Variants in ACER3 observed in about 807,000 individuals in gnomAD.
The protein encoded by ACER3 is alkaline ceramidase 3, also known as alkCDase 3.
In ACER3, 16 loss-of-function variants were observed where a neutral mutation model predicts 48.9. That is an observed-to-expected ratio of 0.33 (90% CI 0.22 to 0.50). The LOEUF is 0.50. Ranked by LOEUF, ACER3 falls within the 20% of genes least tolerant of loss-of-function variation. ACER3 has a pLI of 0.98. For missense variants in ACER3, 227 were observed against 326.0 expected (o/e 0.70, Z 2.34); for synonymous variants, 109 against 107.8 (o/e 1.01, Z -0.07).
intron 1 of ACER3, among the ~76,000 whole-genome samples, chr11:76,914,574 G>A (rs1305822778): frequency 6.6e-6 from 1 of 152,126 alleles, no homozygotes; most frequent in Non-Finnish European, 1.5e-5. Context: ...TGGAGAAATA[G>A]GAACACTTTT....
intron 3 of ACER3, among the ~76,000 whole-genome samples, chr11:76,972,731 C>T (rs571307674): frequency 1.4e-4 from 22 of 152,264 alleles, no homozygotes; most frequent in Admixed American, 3.9e-4. Flanking sequence ...TCTGAGGGTG[C>T]ATGTGTCTCC....
chr11:76,984,181 G>C (rs1948642832), intron 4 of ACER3, among the ~76,000 whole-genome samples: 1 of 152,134 alleles, frequency 6.6e-6, no homozygotes, highest in African/African-American at 2.4e-5. Flanking sequence ...CATGATCCTA[G>C]GCTCTGTAGA....
At chr11:76,990,649 A>G in intron 6 of ACER3, 75 bp downstream of exon 6, 3 of 1,014,544 alleles carry the variant, frequency 3.0e-6, no homozygotes, top group Non-Finnish European at 4.5e-6. Flanking sequence ...TGTCTAAGAA[A>G]TGATATGCAG....
intron 2 of ACER3, among the ~76,000 whole-genome samples, chr11:76,936,720 T>C (rs903327215): frequency 5.7e-5 from 6 of 104,704 alleles, no homozygotes; most frequent in Non-Finnish European, 1.5e-4. Flanking sequence ...TTTCTTTCTT[T>C]CTTTTTTTTT....
At chr11:76,917,784 C>A (rs538635831) in intron 1 of ACER3, among the ~76,000 whole-genome samples, 1 of 150,752 alleles carries the variant, frequency 6.6e-6, no homozygotes, top group Non-Finnish European at 1.5e-5. Flanking sequence ...TCACTTGAGC[C>A]CAAAAGGTCG....
chr11:76,886,159 C>T (rs569145328), intron 1 of ACER3, among the ~76,000 whole-genome samples: 2 of 152,050 alleles, frequency 1.3e-5, no homozygotes, highest in African/African-American at 4.8e-5. Context: ...TGGCATAAGC[C>T]CTGAAGAATG....
intron 8 of ACER3, among the ~76,000 whole-genome samples, chr11:77,015,601 A>C (rs1263515621): frequency 6.6e-6 from 1 of 152,194 alleles, no homozygotes; most frequent in African/African-American, 2.4e-5. Flanking sequence ...TCTGTCATTA[A>C]GACACTGTCT....
chr11:76,912,812 T>C (rs1304132936), intron 1 of ACER3, among the ~76,000 whole-genome samples: 3 of 152,196 alleles, frequency 2.0e-5, no homozygotes, highest in African/African-American at 7.2e-5. Context: ...AAAACTATTG[T>C]ATTGTTAGCG....
rs1555024025 is a variant in ACER3 at position 77,019,719 on chromosome 11, C to T, written c.705-12C>T. On this transcript the variant is annotated splice_polypyrimidine_tract_variant and intron_variant, in intron 9 of 10. Transcript: ENST00000532485. ...AATCTGAAAAGCTTTCCCCCTCCCA[C>T]TTTTCTTTCAGTTTGTATACAAGAA... 6.2e-7 allele frequency: 1 copy of T among 1,613,692 alleles called. No individual in the cohort carries two copies. The highest frequency in any genetic ancestry group is 1.3e-5 in the African/African-American group (1 of 74,918).
intron 1 of ACER3, among the ~76,000 whole-genome samples, chr11:76,909,423 C>T (rs1021169123): frequency 5.3e-5 from 8 of 151,698 alleles, no homozygotes; most frequent in African/African-American, 1.7e-4. Context: ...AACAAATTTA[C>T]AAGAAAAAAA....
At chr11:76,958,233 C>G (rs915678689) in intron 2 of ACER3, among the ~76,000 whole-genome samples, 15 of 142,432 alleles carry the variant, frequency 1.1e-4, no homozygotes, top group Non-Finnish European at 2.1e-4. Flanking sequence ...GTTGCCCGGG[C>G]TGGAGTGCAG....
rs187324724 is a variant in ACER3, at chr11:76,964,927, C to A, written c.267+5896C>A. 4.0e-4 allele frequency among the ~76,000 whole-genome samples: 61 copies of A among 151,428 alleles called. 5 individuals are homozygous for A. Among genetic ancestry groups the A allele is most frequent in the African/African-American group, 1.4e-3 (59 of 40,728 alleles). On this transcript the variant is annotated intron_variant, in intron 3 of 10. Transcript: ENST00000532485. ...CCTGTCCTCCTCCAAAGGAATGCAG[C>A]TCCTCACCAGCAATGGAACAAAGCT...
chr11:77,010,100 G>A (rs1555021824), intron 7 of ACER3, among the ~76,000 whole-genome samples: 1 of 151,638 alleles, frequency 6.6e-6, no homozygotes, highest in African/African-American at 2.4e-5. Context: ...TTTTAGGTAG[G>A]AAAAATGACT....
intron 7 of ACER3, among the ~76,000 whole-genome samples, chr11:77,013,020 ATAATCT>A (rs1949300514): frequency 6.6e-6 from 1 of 152,332 alleles, no homozygotes; most frequent in South Asian, 2.1e-4. Context: ...GTGGAGAAAG[ATAATCT>A]TTTCAACAAA....
At chr11:76,960,432 A>T (rs1362746274) in intron 3 of ACER3, among the ~76,000 whole-genome samples, 2 of 151,816 alleles carry the variant, frequency 1.3e-5, no homozygotes, top group Non-Finnish European at 2.9e-5. Flanking sequence ...ATCATAATAA[A>T]TTTTATTTAA....
intron 1 of ACER3, among the ~76,000 whole-genome samples, chr11:76,917,826 A>G (rs1267126167): frequency 1.3e-5 from 2 of 150,736 alleles, no homozygotes; most frequent in Non-Finnish European, 3.0e-5. Flanking sequence ...GTGCCACTGA[A>G]CTCACTCTGT....
At chr11:76,925,984 T>C (rs1219507473) in intron 1 of ACER3, among the ~76,000 whole-genome samples, 2 of 152,240 alleles carry the variant, frequency 1.3e-5, no homozygotes, top group Non-Finnish European at 2.9e-5. Context: ...TATTCATGTT[T>C]GCACTTTGTT....
At chr11:76,995,158 A>G (rs930624467) in intron 6 of ACER3, among the ~76,000 whole-genome samples, 2 of 152,174 alleles carry the variant, frequency 1.3e-5, no homozygotes, top group African/African-American at 2.4e-5. Flanking sequence ...AAAGAAAAAT[A>G]TGTTAGGTTG....
chr11:76,916,356 A>G (rs1590927281), intron 1 of ACER3, among the ~76,000 whole-genome samples: 1 of 152,344 alleles, frequency 6.6e-6, no homozygotes, highest in East Asian at 1.9e-4. Context: ...ATTCCTTTAT[A>G]GAGCCTTTTG....
Sources: gnomAD v4.1 joint callset for allele counts (sites outside exome capture counted in the v4.1 genomes callset) on GRCh38, gnomAD v4.1.1 for gene constraint, MANE v1.5 for transcripts, NCBI Gene and HGNC (gene_info 2026-07-23, HGNC 2026-07-21) for gene names.